The following ZNF610 variants were observed in gnomAD, a reference collection of about 807,000 sequenced individuals.
ZNF610 encodes zink finger protein.
ZNF610 carries 14 observed loss-of-function variants against 14.1 expected under a neutral mutation model. The ratio of observed to expected loss-of-function variants is 0.99; its 90% CI spans 0.65 to 1.55. ZNF610 has a LOEUF of 1.55. ZNF610 is among the 40% of genes most tolerant of loss of function. ZNF610 has a pLI of 0.00. For synonymous variants in ZNF610, 185 were observed against 187.6 expected, an observed-to-expected ratio of 0.99 and a Z score of 0.11; for missense variants, 530 against 558.0, an observed-to-expected ratio of 0.95 and a Z score of 0.51.
Position 52,354,251 on chromosome 19 carries a change from G to T in ZNF610, c.191G>T (p.Gly64Val). ...CTTGTTTCTTTCTTTTTATTAACAG[G>T]AATCTGTCTTCCTGACCTAAGTATT... is the stretch of plus-strand genomic sequence containing the variant. ...LENYRNLVFL[G>V]ICLPDLSIIS... is the part of the protein sequence containing the mutation. The change falls in exon 5 of 6, where the codon GGA (glycine) becomes GTA (valine). Residue 64 changes from glycine to valine, a missense_variant and splice_region_variant. By Grantham distance (109) the Gly-to-Val change is moderately radical. Transcript: ENST00000403906. 6.2e-7 allele frequency: 1 copy of T among 1,613,350 alleles called. No homozygotes were observed. The highest frequency in any genetic ancestry group is 1.1e-5 in the South Asian group (1 of 91,022).
At chr19:52,356,969 G>T (rs321943) in intron 5 of ZNF610, among the ~76,000 whole-genome samples, 43,559 of 151,976 alleles carry the variant, frequency 0.29, 8,087 homozygotes, top group African/African-American at 0.53. Context: ...ACTTGCTGGG[G>T]GCCCTTGAAT....
rs143518933 is a variant in ZNF610 at position 52,361,770 on chromosome 19, T to A, written c.320-3928T>A. ...ACACTATGCCCAACTGTCAATTTTC[T>A]TACCATTCGAAGTATGAGCTTGCAG... On this transcript the variant is annotated intron_variant, in intron 5 of 5. Coordinates refer to ENST00000403906, the MANE Select transcript of ZNF610 (RefSeq NM_001161425.2). 4.6e-4 allele frequency among the ~76,000 whole-genome samples: 70 copies of A among 152,282 alleles called. 1 individual carries two copies. The East Asian group carries it at 0.013, about 28-fold the overall frequency.
upstream of ZNF610, among the ~76,000 whole-genome samples, chr19:52,333,834 A>G (rs925878360): frequency 1.3e-5 from 2 of 152,250 alleles, no homozygotes; most frequent in African/African-American, 4.8e-5. Flanking sequence ...AAACTTATGC[A>G]TGAATGACTG....
chr19:52,356,482 A>G (rs904113109), intron 5 of ZNF610, among the ~76,000 whole-genome samples: 5 of 152,134 alleles, frequency 3.3e-5, no homozygotes, highest in Admixed American at 3.3e-4. Flanking sequence ...ATTTCATATA[A>G]TACTCTTTGT....
intron 3 of ZNF610, among the ~76,000 whole-genome samples, chr19:52,350,058 G>A (rs570473311): frequency 1.1e-4 from 17 of 152,258 alleles, no homozygotes; most frequent in African/African-American, 3.9e-4. Flanking sequence ...GGAGACTGGT[G>A]TTCCTGCAGG....
At position 52,349,382 on chromosome 19, in the gene ZNF610, C is replaced by G. The variant is rs1484419452; in HGVS notation, c.63+147C>G. 6.6e-6 allele frequency: 9 copies of G among 1,356,640 alleles called. No homozygotes were observed. The East Asian group carries it at 2.2e-4, about 33-fold the overall frequency. 84.0% of individuals were successfully genotyped at this position (1,356,640 alleles called of 1,614,324 possible). ...GATTCTATCTCTCGTGACCCAGTGA[C>G]ATGAATGTGGGAAGAGACTGCACTG... On this transcript the variant is annotated intron_variant, in intron 3 of 5. Coordinates refer to ENST00000403906, the MANE Select transcript of ZNF610 (RefSeq NM_001161425.2).
At chr19:52,335,680 G>A (rs1168989615), upstream of ZNF610, among the ~76,000 whole-genome samples, 1 of 152,158 alleles carries the variant, frequency 6.6e-6, no homozygotes, top group Non-Finnish European at 1.5e-5. Flanking sequence ...CCGTGCTGGA[G>A]ATCAGAGATG....
At position 52,353,727 on chromosome 19, in the gene ZNF610, G is replaced by A. The variant is rs762010183; in HGVS notation, c.109G>A (p.Glu37Lys). The stretch of plus-strand genomic sequence containing the variant: ...CGTGGCCATCGAATTCTCTCAGGAG[G>A]AGTGGAAATCCCTGGACCCTGGACA... ...MDVAIEFSQE[E>K]WKSLDPGQRA... The change falls in exon 4 of 6, where the codon GAG becomes AAG. Residue 37 changes from glutamate (E) to lysine (K), a missense_variant. Transcript: ENST00000403906. 1.9e-6 allele frequency: 3 copies of A among 1,613,998 alleles called. No individual in the cohort carries two copies. Among genetic ancestry groups the A allele is most frequent in the South Asian group, 1.1e-5 (1 of 91,074 alleles).
At chr19:52,362,350 G>A (rs1347952495) in intron 5 of ZNF610, among the ~76,000 whole-genome samples, 1 of 152,246 alleles carries the variant, frequency 6.6e-6, no homozygotes, top group Admixed American at 6.5e-5. Flanking sequence ...GGCGGAGGTT[G>A]CAGTGAGCCG....
At chr19:52,345,458 A>G (rs1984892922) in intron 1 of ZNF610, 1 of 152,180 alleles carries the variant, frequency 6.6e-6, no homozygotes, top group South Asian at 2.1e-4. Flanking sequence ...GTGGGTGAGG[A>G]TGACACTGTG....
chr19:52,363,156 C>T (rs1403412301), intron 5 of ZNF610, among the ~76,000 whole-genome samples: 1 of 148,522 alleles, frequency 6.7e-6, no homozygotes, highest in Non-Finnish European at 1.5e-5. Context: ...GACATAGTCT[C>T]ACCCTGTTGC....
chr19:52,353,756 G>A lies in ZNF610; in HGVS notation c.138G>A (p.Arg46=), dbSNP rs780873349. ...GGAAATCCCTGGACCCTGGACAGAG[G>A]GCTTTATACAGGGACGTGATGTTGG... ...EEWKSLDPGQ[R]ALYRDVMLEN... is the part of the protein sequence containing the mutation. The change falls in exon 4 of 6, where the codon AGG becomes AGA. Residue 46 remains arginine, a synonymous_variant. Transcript: ENST00000403906. The A allele has an allele frequency of 6.2e-7, 1 of 1,613,754 alleles. No individual in the cohort carries two copies. Among genetic ancestry groups the A allele is most frequent in the Non-Finnish European group, 8.5e-7 (1 of 1,179,902 alleles).
At chr19:52,337,706 G>T (rs1984451911) in intron 1 of ZNF610, among the ~76,000 whole-genome samples, 2 of 152,162 alleles carry the variant, frequency 1.3e-5, no homozygotes, top group African/African-American at 2.4e-5. Context: ...GGACTATTAT[G>T]ATCAAATTGT....
rs1204985018 is a variant in ZNF610 at position 52,365,736 on chromosome 19, C to A, written c.358C>A (p.Pro120Thr). Residue 120 changes from proline to threonine, a missense_variant, in exon 6 of 6, where the codon CCT becomes ACT. Transcript: ENST00000403906. ...CVLGSNAENK[P>T]IKNQLGLTLE... ...ATTGGGAAGCAATGCAGAAAACAAG[C>A]CTATTAAAAATCAACTTGGATTAAC... The A allele has an allele frequency of 6.2e-7, 1 of 1,611,608 alleles. No homozygotes were observed. The highest frequency in any genetic ancestry group is 1.7e-5 in the Admixed American group (1 of 59,374).
intron 3 of ZNF610, among the ~76,000 whole-genome samples, chr19:52,352,845 T>G (rs1985324888): frequency 6.6e-6 from 1 of 152,100 alleles, no homozygotes; most frequent in Non-Finnish European, 1.5e-5. Flanking sequence ...TTTTTTTTGT[T>G]TGTTTGTTTT....
At chr19:52,335,448 G>A (rs1454454590), upstream of ZNF610, among the ~76,000 whole-genome samples, 1 of 152,142 alleles carries the variant, frequency 6.6e-6, no homozygotes, top group Non-Finnish European at 1.5e-5. Flanking sequence ...AGGTAAATAC[G>A]GATTCCCAGG....
At chr19:52,344,845 C>T (rs954319315) in intron 1 of ZNF610, among the ~76,000 whole-genome samples, 1 of 152,172 alleles carries the variant, frequency 6.6e-6, no homozygotes, top group Non-Finnish European at 1.5e-5. Context: ...CGCAGTGGTG[C>T]AATATCGGCT....
At chr19:52,339,321 C>T (rs1984552634) in intron 1 of ZNF610, among the ~76,000 whole-genome samples, 1 of 151,840 alleles carries the variant, frequency 6.6e-6, no homozygotes, top group South Asian at 2.1e-4. Context: ...TTTATGGGTT[C>T]CAGGCTGGGG....
At chr19:52,353,909 A>G in intron 4 of ZNF610, 101 bp downstream of exon 4, 1 of 1,426,778 alleles carries the variant, frequency 7.0e-7, no homozygotes, top group Non-Finnish European at 9.4e-7. Context: ...TAACTGAGGT[A>G]GAAACCTTGT....
Sources: allele counts gnomAD v4.1 joint callset (sites outside exome capture counted in the v4.1 genomes callset), GRCh38; gene constraint gnomAD v4.1.1; transcripts MANE v1.5; gene names NCBI Gene and HGNC (gene_info 2026-07-23, HGNC 2026-07-21).